IFI27: variants seen among roughly 807,000 people sequenced by gnomAD.
The protein encoded by IFI27 is interferon alpha-inducible protein 27, mitochondrial.
IFI27 carries 3 observed loss-of-function variants against 8.9 expected under a neutral mutation model. The observed-to-expected ratio is 0.34, with a 90% CI of 0.15 to 0.87. The LOEUF is 0.87. Ranked by LOEUF, IFI27 falls within the 40% of genes least tolerant of loss-of-function variation. The pLI, the probability that IFI27 is intolerant of heterozygous loss-of-function variation, is 0.51. For missense variants in IFI27, 152 were observed against 157.7 expected (o/e 0.96, Z 0.19); for synonymous variants, 66 against 67.3 (o/e 0.98, Z 0.09).
At chr14:94,114,964 T>C in intron 3 of IFI27, 84 bp downstream of exon 3, 1 of 1,286,664 alleles carries the variant, frequency 7.8e-7, no homozygotes, top group Non-Finnish European at 1.1e-6. Context: ...TCCATGCCAA[T>C]GTTTCCCTCA....
At chr14:94,107,810 G>T (rs568371903), upstream of IFI27, among the ~76,000 whole-genome samples, 2 of 152,180 alleles carry the variant, frequency 1.3e-5, no homozygotes, top group Admixed American at 1.3e-4. Context: ...GTCGCTGGTT[G>T]TTAAAGGAAC....
intron 3 of IFI27, 149 bp downstream of exon 3, chr14:94,115,029 C>T: frequency 1.4e-6 from 1 of 725,658 alleles, no homozygotes; most frequent in Non-Finnish European, 2.4e-6. Flanking sequence ...AACCAAGGAG[C>T]TAGAAATACA....
chr14:94,111,995 C>T lies in IFI27; in HGVS notation c.91+222C>T, dbSNP rs1887210772. Reference sequence around the variant, plus strand: ...GCCCAGCCCTGGGTGTTCCACAGGTCCTCTCCCCTCTGGGCCCGGGCCTCC... The same window carrying T: ...GCCCAGCCCTGGGTGTTCCACAGGTTCTCTCCCCTCTGGGCCCGGGCCTCC... On this transcript the variant is annotated intron_variant, in intron 2 of 4. Transcript: ENST00000621160. The surrounding 1 kb of genome is among the most constrained non-coding windows in gnomAD (Gnocchi z 4.3). The T allele has an allele frequency of 5.0e-6, 3 of 602,468 alleles. No homozygotes were observed. Among genetic ancestry groups the T allele is most frequent in the Non-Finnish European group, 8.9e-6 (3 of 337,370 alleles). 37.3% of individuals were successfully genotyped at this position (602,468 alleles called of 1,614,324 possible).
upstream of IFI27, among the ~76,000 whole-genome samples, chr14:94,109,066 G>A (rs532941514): frequency 3.9e-5 from 6 of 152,286 alleles, no homozygotes; most frequent in East Asian, 1.2e-3. Context: ...GGCTGAGGCA[G>A]GAGGATCACC....
In IFI27 at chr14:94,116,509, C is replaced by G; in HGVS notation, c.351C>G (p.Val117=). ...CCATTGGGTCTGCCATTGCGGCTGTCATTGCGAGGTTCTACTAGCTCCCTG... is the reference window on the plus strand; with the variant it reads ...CCATTGGGTCTGCCATTGCGGCTGTGATTGCGAGGTTCTACTAGCTCCCTG... Residue 117 remains valine (V), a synonymous_variant, in exon 5 of 5, where the codon GTC becomes GTG. Transcript: ENST00000621160. The surrounding 1 kb of genome is among the most constrained non-coding windows in gnomAD (Gnocchi z 4.3). 1 of 1,613,180 alleles carries G rather than the reference C, an allele frequency of 6.2e-7. No homozygotes were observed. The highest frequency in any genetic ancestry group is 8.5e-7 in the Non-Finnish European group (1 of 1,179,592).
At chr14:94,110,530 T>C (rs1224646256), upstream of IFI27, 2 of 152,262 alleles carry the variant, frequency 1.3e-5, no homozygotes, top group East Asian at 3.8e-4. Flanking sequence ...AAGCATTTTA[T>C]ATTAACTGAC....
At chr14:94,115,930 C>T (rs780908444) in exon 4 of IFI27, 340 of 1,579,658 alleles carry the variant, frequency 2.2e-4, no homozygotes, top group Non-Finnish European at 2.7e-4. Flanking sequence ...TGTGGCTACT[C>T]TGCAGTCACT....
chr14:94,114,267 CTTA>C (rs1887303428), intron 2 of IFI27: 1 of 154,156 alleles, frequency 6.5e-6, no homozygotes, highest in African/African-American at 2.4e-5. Flanking sequence ...GCCATGAGGA[CTTA>C]TTAGTGTCTG....
intron 3 of IFI27, 68 bp from the exon 4 acceptor site, chr14:94,115,713 C>G (rs1195383374): frequency 6.6e-7 from 1 of 1,506,506 alleles, no homozygotes; most frequent in Non-Finnish European, 8.9e-7. Context: ...GGTCCCCAAG[C>G]CTGACTCAGT....
upstream of IFI27, among the ~76,000 whole-genome samples, chr14:94,107,505 T>C (rs1887031771): frequency 6.6e-6 from 1 of 152,230 alleles, no homozygotes; most frequent in Non-Finnish European, 1.5e-5. Flanking sequence ...TTCTAGGAGT[T>C]TCATAGTTTT....
intron 4 of IFI27, 54 bp downstream of exon 4, chr14:94,115,996 C>A: frequency 6.7e-7 from 1 of 1,503,204 alleles, no homozygotes. Flanking sequence ...GCAAGAGCCT[C>A]CAAGGACCCA....
At chr14:94,110,631 CG>C (rs1406746444), upstream of IFI27, 2 of 152,180 alleles carry the variant, frequency 1.3e-5, no homozygotes, top group South Asian at 4.1e-4. Context: ...TCTGCAGTTT[CG>C]GTTTCCTGGA....
intron 3 of IFI27, 91 bp from the exon 4 acceptor site, chr14:94,115,690 C>T: frequency 7.4e-7 from 1 of 1,346,520 alleles, no homozygotes; most frequent in Non-Finnish European, 1.0e-6. Context: ...ACCTCTTTCT[C>T]CAGATCCCCT....
chr14:94,115,567 G>C (rs1887357231), intron 3 of IFI27: 1 of 612,710 alleles, frequency 1.6e-6, no homozygotes, highest in Non-Finnish European at 2.9e-6. Flanking sequence ...TTGGCCCAGA[G>C]CCCTGTGCCC....
upstream of IFI27, among the ~76,000 whole-genome samples, chr14:94,108,387 G>A (rs1290247684): frequency 1.3e-5 from 2 of 152,136 alleles, no homozygotes; most frequent in African/African-American, 4.8e-5. Context: ...ATTTACTATT[G>A]AAATTGTGTA....
chr14:94,108,693 G>T (rs1302970436), upstream of IFI27, among the ~76,000 whole-genome samples: 1 of 151,762 alleles, frequency 6.6e-6, no homozygotes, highest in East Asian at 1.9e-4. Flanking sequence ...AGTATAGATC[G>T]CCATCAGTGT....
chr14:94,107,802 C>A (rs949861593), upstream of IFI27, among the ~76,000 whole-genome samples: 2 of 151,890 alleles, frequency 1.3e-5, no homozygotes, highest in Non-Finnish European at 2.9e-5. Context: ...GTACTTGTGT[C>A]GCTGGTTGTT....
upstream of IFI27, among the ~76,000 whole-genome samples, chr14:94,109,714 A>G (rs1887096742): frequency 1.3e-5 from 2 of 152,226 alleles, no homozygotes; most frequent in African/African-American, 2.4e-5. Context: ...GGAGAGCCTC[A>G]TCTTGCGTGA....
At position 94,111,630 on chromosome 14, in the gene IFI27, G is replaced by A; in HGVS notation, c.-53G>A. 1.4e-6 allele frequency: 2 copies of A among 1,467,694 alleles called. No individual in the cohort carries two copies. The highest frequency in any genetic ancestry group is 9.5e-7 in the Non-Finnish European group (1 of 1,047,172). The allele number at this position is 1,467,694 out of a possible 1,614,324, so 90.9% of individuals were successfully genotyped here. On this transcript the variant is annotated 5_prime_UTR_variant, in exon 2 of 5. Transcript: ENST00000621160. The surrounding 1 kb of genome is among the most constrained non-coding windows in gnomAD (Gnocchi z 4.3). Reference sequence around the variant, plus strand: ...GAGCTCCATCCCTTCGGCAGGTCTGGCTGAAGTTGAGGATCTCTTACTCTC... The same window carrying A: ...GAGCTCCATCCCTTCGGCAGGTCTGACTGAAGTTGAGGATCTCTTACTCTC...
Sources: allele counts gnomAD v4.1 joint callset (sites outside exome capture counted in the v4.1 genomes callset), GRCh38; gene constraint gnomAD v4.1.1; non-coding constraint Gnocchi (gnomAD v3.1); transcripts MANE v1.5; gene names NCBI Gene and HGNC (gene_info 2026-07-23, HGNC 2026-07-21).